DNAJC16: variants seen among roughly 807,000 people sequenced by gnomAD.
The protein encoded by DNAJC16 is dnaJ homolog subfamily C member 16.
DNAJC16 carries 76 observed loss-of-function variants against 92.7 expected under a neutral mutation model. That is an observed-to-expected ratio of 0.82 (90% CI 0.68 to 0.99). DNAJC16 has a LOEUF of 0.99. Ranked by LOEUF, DNAJC16 falls within the 50% of genes least tolerant of loss-of-function variation. The probability of loss-of-function intolerance (pLI) is 0.00; values close to 1 mark genes in which losing one functional copy is unlikely to be tolerated. For synonymous variants in DNAJC16, 328 were observed against 358.7 expected (o/e 0.91, Z 0.97); for missense variants, 869 against 942.4 (o/e 0.92, Z 1.02).
chr1:15,532,437 A>G (rs1710681547), intron 2 of DNAJC16, among the ~76,000 whole-genome samples: 1 of 152,150 alleles, frequency 6.6e-6, no homozygotes, highest in African/African-American at 2.4e-5. Flanking sequence ...CACAATTAGG[A>G]AAGTATTCCG....
chr1:15,540,771 G>A (rs113370997), intron 4 of DNAJC16, among the ~76,000 whole-genome samples: 1,750 of 152,264 alleles, frequency 0.011, 39 homozygotes, highest in African/African-American at 0.039. Context: ...TTCTGTGTGC[G>A]CTCGGTCTGG....
At chr1:15,552,934 A>AT (rs760245561) in intron 7 of DNAJC16, among the ~76,000 whole-genome samples, 5 of 150,536 alleles carry the variant, frequency 3.3e-5, no homozygotes, top group Admixed American at 6.6e-5. Context: ...CACCTGGCTA[A>AT]TTTTTTTGTA....
rs567682346 is a variant in DNAJC16, at chr1:15,561,912, G to A, written c.1155-230G>A. 1.7e-4 allele frequency among the ~76,000 whole-genome samples: 26 copies of A among 151,942 alleles called. No homozygotes were observed. In the South Asian group the frequency reaches 2.3e-3, roughly 13 times the overall value. Reference sequence around the variant, plus strand: ...TCATATATATAAAATTTTAAAATTCGTAAATGTGGTAAAGAAGTTTGGTTT... The same window carrying A: ...TCATATATATAAAATTTTAAAATTCATAAATGTGGTAAAGAAGTTTGGTTT... On this transcript the variant is annotated intron_variant, in intron 8 of 14. Transcript: ENST00000375847.
chr1:15,554,801 G>C (rs1463898563), intron 7 of DNAJC16, among the ~76,000 whole-genome samples: 2 of 152,064 alleles, frequency 1.3e-5, no homozygotes, highest in Non-Finnish European at 2.9e-5. Flanking sequence ...AAGCTATACG[G>C]CTTTTAGAAG....
At chr1:15,527,470 G>C (rs181819091) in intron 1 of DNAJC16, among the ~76,000 whole-genome samples, 1 of 152,310 alleles carries the variant, frequency 6.6e-6, no homozygotes, top group Admixed American at 6.5e-5. Context: ...GTCCCCACAT[G>C]ATGATCCTTC....
Position 15,567,010 on chromosome 1 carries a change from CAT to C in DNAJC16, c.1779-87_1779-86del, listed in dbSNP as rs1175770782. ...AATAACATACCTAGTCTGGTTAGAA[CAT>C]AGCATTTTCTTTCAGCTGTTTCTTT... On this transcript the variant is annotated intron_variant, in intron 13 of 14. Transcript: ENST00000375847. The C allele has an allele frequency of 1.3e-5, 17 of 1,266,654 alleles. No homozygotes were observed. In the Admixed American group the frequency reaches 3.0e-4, roughly 22 times the overall value. 78.5% of individuals were successfully genotyped at this position (1,266,654 alleles called of 1,614,324 possible). A position where few individuals can be genotyped will look rare whatever the true frequency, so the allele number is the denominator to read the frequency against.
At chr1:15,554,258 C>T (rs949442569) in intron 7 of DNAJC16, among the ~76,000 whole-genome samples, 9 of 151,624 alleles carry the variant, frequency 5.9e-5, no homozygotes, top group Admixed American at 2.6e-4. Context: ...TGTGTTTGTC[C>T]AGTCCATTCT....
chr1:15,549,949 A>G (rs764905690), intron 7 of DNAJC16, among the ~76,000 whole-genome samples: 43 of 152,168 alleles, frequency 2.8e-4, no homozygotes, highest in Admixed American at 6.5e-4. Context: ...CTAATTGATA[A>G]ACTTTATCAT....
At chr1:15,557,801 T>A (rs1638600845) in intron 7 of DNAJC16, among the ~76,000 whole-genome samples, 1 of 152,056 alleles carries the variant, frequency 6.6e-6, no homozygotes. Flanking sequence ...GATGTCATCA[T>A]GGCTCACTGC....
chr1:15,555,462 A>G (rs1018900219), intron 7 of DNAJC16, among the ~76,000 whole-genome samples: 23 of 151,016 alleles, frequency 1.5e-4, no homozygotes, highest in Non-Finnish European at 2.9e-4. Context: ...AGGCGGGTGG[A>G]TCACCAGGTC....
At position 15,530,695 on chromosome 1, in the gene DNAJC16, C is replaced by CT. The variant is rs374975481; in HGVS notation, c.167+1433dup. 4.6e-4 allele frequency among the ~76,000 whole-genome samples: 69 copies of CT among 149,982 alleles called. No individual in the cohort carries two copies. In the East Asian group the frequency reaches 7.2e-3, roughly 16 times the overall value. On this transcript the variant is annotated intron_variant, in intron 2 of 14. Coordinates refer to ENST00000375847, the MANE Select transcript of DNAJC16 (RefSeq NM_015291.4). The stretch of plus-strand genomic sequence containing the variant: ...CCTATGAAGGAGGATATCAGTATCT[C>CT]TTTTTTTTTTGAGACGGAGTCTCGC...
At chr1:15,548,464 C>G in intron 7 of DNAJC16, 36 bp downstream of exon 7, 2 of 1,562,404 alleles carry the variant, frequency 1.3e-6, no homozygotes, top group Non-Finnish European at 1.7e-6. Context: ...ATTTTCTTCA[C>G]ATTTTATCCC....
intron 5 of DNAJC16, among the ~76,000 whole-genome samples, chr1:15,546,476 C>T (rs1638312208): frequency 6.6e-6 from 1 of 152,152 alleles, no homozygotes; most frequent in Admixed American, 6.5e-5. Flanking sequence ...AAGAAGTATA[C>T]TCTGTAATTA....
chr1:15,560,306 C>T (rs925261822), intron 8 of DNAJC16: 5 of 152,200 alleles, frequency 3.3e-5, no homozygotes, highest in African/African-American at 1.2e-4. Context: ...GAGTGACTGT[C>T]CCTACTAAAG....
At chr1:15,545,377 A>G (rs150408311) in intron 5 of DNAJC16, among the ~76,000 whole-genome samples, 1 of 152,356 alleles carries the variant, frequency 6.6e-6, no homozygotes, top group Non-Finnish European at 1.5e-5. Flanking sequence ...AAAGTTTGTC[A>G]GAGAATATTG....
At chr1:15,543,446 G>C (rs72645807) in intron 4 of DNAJC16, among the ~76,000 whole-genome samples, 7,081 of 152,320 alleles carry the variant, frequency 0.046, 278 homozygotes, top group African/African-American at 0.11. Context: ...ACTGGCGCAG[G>C]CTGTTGGAGG....
chr1:15,535,006 G>A (rs765493120), intron 3 of DNAJC16, among the ~76,000 whole-genome samples: 14 of 152,178 alleles, frequency 9.2e-5, no homozygotes, highest in Non-Finnish European at 1.8e-4. Flanking sequence ...AGATTGGTCT[G>A]GAATATGCAT....
At chr1:15,564,442 T>C in intron 11 of DNAJC16, 83 bp downstream of exon 11, 1 of 957,642 alleles carries the variant, frequency 1.0e-6, no homozygotes, top group South Asian at 1.3e-5. Context: ...TTCATCATTA[T>C]TAAATTTCAA....
In DNAJC16 at chr1:15,559,594, G is replaced by T. The variant is rs1638646917; in HGVS notation, c.1092G>T (p.Arg364Ser). The T allele has an allele frequency of 2.5e-6, 4 of 1,614,048 alleles. No homozygotes were observed. The highest frequency in any genetic ancestry group is 1.6e-4 in the Middle Eastern group (1 of 6,084). ...GAAACAAATATCTATTGGCAGCCAG[G>T]CTCACCAGCCAGAAGTTGTTCCATG... Reference protein sequence around the residue: ...ITRNKYLLAARLTSQKLFHEL... With the variant: ...ITRNKYLLAASLTSQKLFHEL... Residue 364 changes from arginine to serine, a missense_variant, in exon 8 of 15, where the codon AGG becomes AGT. Physicochemically the swap from Arg to Ser is moderately radical, Grantham distance 110 (BLOSUM62 -1). Coordinates refer to ENST00000375847, the MANE Select transcript of DNAJC16 (RefSeq NM_015291.4).
Sources: allele counts gnomAD v4.1 joint callset (sites outside exome capture counted in the v4.1 genomes callset), GRCh38; gene constraint gnomAD v4.1.1; transcripts MANE v1.5; gene names NCBI Gene and HGNC (gene_info 2026-07-23, HGNC 2026-07-21).